The following PDE11A variants were observed in gnomAD, a reference collection of about 807,000 sequenced individuals.
PDE11A encodes phosphodiesterase 11A.
Under a neutral mutation model 100.5 loss-of-function variants are expected in PDE11A, and 100 were observed. The observed-to-expected ratio is 1.00, with a 90% CI of 0.85 to 1.18. The LOEUF (loss-of-function observed/expected upper bound fraction) is 1.18, where lower values mean the gene tolerates loss of function less well. PDE11A is among the 50% of genes most tolerant of loss of function. PDE11A has a pLI of 0.00. For missense variants in PDE11A, 1,141 were observed against 1,152.6 expected, an observed-to-expected ratio of 0.99 and a Z score of 0.15; for synonymous variants, 381 against 420.8, an observed-to-expected ratio of 0.91 and a Z score of 1.16.
chr2:177,683,807 G>A (rs554509882), intron 15 of PDE11A, among the ~76,000 whole-genome samples: 1 of 152,272 alleles, frequency 6.6e-6, no homozygotes, highest in East Asian at 1.9e-4. Flanking sequence ...AAGTGGTGGA[G>A]TGGAAAGAGC....
chr2:177,911,297 G>C (rs1574272550), intron 2 of PDE11A, among the ~76,000 whole-genome samples: 1 of 152,262 alleles, frequency 6.6e-6, no homozygotes, highest in South Asian at 2.1e-4. Flanking sequence ...GCATTTTTAG[G>C]AATATAATAT....
At chr2:178,018,443 T>C (rs1316976421) in intron 1 of PDE11A, 5 of 515,134 alleles carry the variant, frequency 9.7e-6, no homozygotes, top group Non-Finnish European at 1.9e-5. Context: ...TGGAAAGCTG[T>C]TGCCATGCTG....
rs1218738267 is a variant in PDE11A, at chr2:177,898,052, A to G, written c.1302+6T>C. The G allele has an allele frequency of 6.2e-7, 1 of 1,605,798 alleles. No individual in the cohort carries two copies. The highest frequency in any genetic ancestry group is 1.1e-5 in the South Asian group (1 of 90,924). ...CTTCAACTTTAAAAGATAAAAGATA[A>G]CTTACTGGTGATTCGATGTCCTCTA... is the stretch of plus-strand genomic sequence containing the variant. On this transcript the variant is annotated splice_donor_region_variant and intron_variant, in intron 4 of 19. Transcript: ENST00000286063.
At chr2:178,065,608 T>C (rs190097720) in intron 1 of PDE11A, among the ~76,000 whole-genome samples, 3 of 152,300 alleles carry the variant, frequency 2.0e-5, no homozygotes, top group Admixed American at 2.0e-4. Flanking sequence ...CAAAATCAAC[T>C]CTGGTTCTGG....
intron 19 of PDE11A, among the ~76,000 whole-genome samples, chr2:177,663,441 A>T (rs535107856): frequency 0.058 from 7,693 of 131,888 alleles, 283 homozygotes; most frequent in Admixed American, 0.081. Flanking sequence ...GAAAATTTGT[A>T]AAAAAAAAAA....
intron 19 of PDE11A, among the ~76,000 whole-genome samples, chr2:177,634,500 T>C (rs1008736764): frequency 1.3e-5 from 2 of 151,830 alleles, no homozygotes; most frequent in Non-Finnish European, 2.9e-5. Flanking sequence ...GCGATTCTCT[T>C]GCTCAGCTTC....
chr2:177,747,833 A>G (rs181429237), intron 10 of PDE11A, among the ~76,000 whole-genome samples: 13 of 152,220 alleles, frequency 8.5e-5, no homozygotes, highest in African/African-American at 3.1e-4. Flanking sequence ...GCCTCTGAAT[A>G]TCACTCAGAA....
chr2:177,957,425 A>C (rs1306363954), intron 2 of PDE11A, among the ~76,000 whole-genome samples: 1 of 152,154 alleles, frequency 6.6e-6, no homozygotes, highest in African/African-American at 2.4e-5. Context: ...AACAACACAA[A>C]ACAAAACAAA....
chr2:177,657,607 T>C (rs1312060516), intron 19 of PDE11A, among the ~76,000 whole-genome samples: 1 of 147,418 alleles, frequency 6.8e-6, no homozygotes, highest in African/African-American at 2.5e-5. Context: ...CAAATGGAAA[T>C]ATTAGGGGAA....
chr2:177,701,041 C>T, intron 14 of PDE11A, 80 bp downstream of exon 14: 1 of 822,062 alleles, frequency 1.2e-6, no homozygotes, highest in Non-Finnish European at 2.2e-6. Flanking sequence ...CTACCTGTGG[C>T]ACCACAAAGG....
chr2:177,691,593 G>A (rs1384214283), intron 15 of PDE11A, among the ~76,000 whole-genome samples: 2 of 152,076 alleles, frequency 1.3e-5, no homozygotes, highest in Admixed American at 6.5e-5. Context: ...CCAACTACTT[G>A]GTTCAAATTC....
intron 16 of PDE11A, among the ~76,000 whole-genome samples, chr2:177,676,719 T>C (rs1346895157): frequency 6.6e-6 from 1 of 152,248 alleles, no homozygotes; most frequent in African/African-American, 2.4e-5. Flanking sequence ...AGTCTATTCA[T>C]TTTTGACCTT....
chr2:177,690,312 G>C (rs1455461159), intron 15 of PDE11A, among the ~76,000 whole-genome samples: 1 of 152,158 alleles, frequency 6.6e-6, no homozygotes, highest in Non-Finnish European at 1.5e-5. Flanking sequence ...AATGGCTTAA[G>C]TTTTGTCAGT....
chr2:177,853,714 T>TGTGTTTG (rs1558974124), intron 5 of PDE11A, among the ~76,000 whole-genome samples: 5 of 16,302 alleles, frequency 3.1e-4, no homozygotes, highest in South Asian at 4.4e-3. Flanking sequence ...GTGTGTGTGT[T>TGTGTTTG]TGTGTGTGTG....
chr2:177,881,383 CTATCCATCT>C (rs1558989447), intron 4 of PDE11A, among the ~76,000 whole-genome samples: 31 of 151,954 alleles, frequency 2.0e-4, no homozygotes, highest in African/African-American at 7.3e-4. Flanking sequence ...ATCTATCTAT[CTATCCATCT>C]ATCTATCTAG....
At chr2:177,817,007 G>A in intron 8 of PDE11A, 86 bp from the exon 9 acceptor site, 1 of 789,686 alleles carries the variant, frequency 1.3e-6, no homozygotes, top group South Asian at 1.4e-5. Flanking sequence ...CCAGGGATGG[G>A]TCTGAAAATA....
intron 4 of PDE11A, among the ~76,000 whole-genome samples, chr2:177,882,425 A>C (rs1309854015): frequency 6.6e-6 from 1 of 152,228 alleles, no homozygotes; most frequent in East Asian, 1.9e-4. Flanking sequence ...AAAATAGAAT[A>C]GAATTTATGC....
At chr2:178,051,386 C>A (rs913288930) in intron 1 of PDE11A, among the ~76,000 whole-genome samples, 1 of 152,186 alleles carries the variant, frequency 6.6e-6, no homozygotes, top group African/African-American at 2.4e-5. Flanking sequence ...CAACTGGTAC[C>A]AGCCACTGCA....
chr2:177,750,314 A>C (rs2082008902), intron 10 of PDE11A, among the ~76,000 whole-genome samples: 1 of 152,260 alleles, frequency 6.6e-6, no homozygotes, highest in African/African-American at 2.4e-5. Context: ...CTGACAATAA[A>C]AAATGAAGCA....
Sources: gnomAD v4.1 joint callset for allele counts (sites outside exome capture counted in the v4.1 genomes callset) on GRCh38, gnomAD v4.1.1 for gene constraint, MANE v1.5 for transcripts, NCBI Gene and HGNC (gene_info 2026-07-23, HGNC 2026-07-21) for gene names.